PLPBP: variants seen among roughly 807,000 people sequenced by gnomAD.
PLPBP encodes the protein pyridoxal phosphate binding protein.
PLPBP carries 21 observed loss-of-function variants against 31.2 expected under a neutral mutation model. The observed-to-expected ratio is 0.67, with a 90% confidence interval of 0.48 to 0.97. The LOEUF (loss-of-function observed/expected upper bound fraction) is 0.97. Among genes scored for constraint, PLPBP ranks in the 50% least tolerant of loss-of-function variants. PLPBP has a pLI of 0.00. For synonymous variants in PLPBP, 124 were observed against 135.6 expected, an observed-to-expected ratio of 0.91 and a Z score of 0.59; for missense variants, 308 against 354.4, an observed-to-expected ratio of 0.87 and a Z score of 1.05.
intron 4 of PLPBP, among the ~76,000 whole-genome samples, chr8:37,768,769 G>A (rs374421331): frequency 2.0e-5 from 3 of 151,850 alleles, no homozygotes; most frequent in African/African-American, 4.8e-5. Flanking sequence ...CACCACGCCC[G>A]GCGGTTTTGA....
At chr8:37,771,287 C>G (rs997279356) in intron 4 of PLPBP, among the ~76,000 whole-genome samples, 1 of 152,064 alleles carries the variant, frequency 6.6e-6, no homozygotes, top group African/African-American at 2.4e-5. Context: ...CAGGCATGTG[C>G]CACCAGGCCT....
intron 4 of PLPBP, among the ~76,000 whole-genome samples, chr8:37,771,564 G>A (rs937182437): frequency 1.3e-5 from 2 of 152,142 alleles, no homozygotes; most frequent in South Asian, 2.1e-4. Context: ...GGGATTACAG[G>A]TGTGAGCCAC....
intron 4 of PLPBP, among the ~76,000 whole-genome samples, chr8:37,767,258 G>T (rs1213093186): frequency 6.6e-6 from 1 of 152,046 alleles, no homozygotes; most frequent in South Asian, 2.1e-4. Flanking sequence ...ATGTATGTTT[G>T]CACCTGTGAA....
chr8:37,767,046 C>CAAAAA (rs377103424), intron 4 of PLPBP, among the ~76,000 whole-genome samples: 6 of 57,140 alleles, frequency 1.1e-4, no homozygotes, highest in East Asian at 5.8e-4. Flanking sequence ...GACTTCATCC[C>CAAAAA]AAAAAAAAAA....
chr8:37,772,270 G>A (rs1158876445), intron 4 of PLPBP, among the ~76,000 whole-genome samples: 2 of 152,160 alleles, frequency 1.3e-5, no homozygotes, highest in Non-Finnish European at 2.9e-5. Flanking sequence ...GGTATTACAC[G>A]TGTGAGCCAC....
Position 37,775,972 on chromosome 8 carries a change from C to G in PLPBP, c.652C>G (p.Gln218Glu). Residue 218 changes from glutamine to glutamate, a missense_variant, in exon 7 of 8, where the codon CAG (glutamine) becomes GAG (glutamate). Gln to Glu is a conservative substitution (Grantham distance 29). Transcript: ENST00000328195. ...TAAAAAGCTGAACATCCCTGCTGAC[C>G]AGGTTGAGCTGAGCATGGGCATGTC... ...LCKKLNIPADQVELSMGMSAD... is the reference protein window; with the variant it reads ...LCKKLNIPADEVELSMGMSAD... The G allele has an allele frequency of 6.2e-7, 1 of 1,613,960 alleles. No individual in the cohort carries two copies. Among genetic ancestry groups the G allele is most frequent in the South Asian group, 1.1e-5 (1 of 91,064 alleles).
chr8:37,770,276 C>G (rs1803735466), intron 4 of PLPBP, among the ~76,000 whole-genome samples: 1 of 152,124 alleles, frequency 6.6e-6, no homozygotes, highest in Admixed American at 6.6e-5. Context: ...AGCATAAAAA[C>G]AGACACATAG....
At chr8:37,771,451 A>AT (rs1272927332) in intron 4 of PLPBP, among the ~76,000 whole-genome samples, 2 of 151,408 alleles carry the variant, frequency 1.3e-5, no homozygotes, top group East Asian at 2.0e-4. Context: ...TCTCTGGCTA[A>AT]TTTTTTTATT....
chr8:37,775,133 C>A (rs528156941), intron 5 of PLPBP: 7 of 467,730 alleles, frequency 1.5e-5, no homozygotes, highest in African/African-American at 9.9e-5. Context: ...ACTGATAGTT[C>A]TTTTCTTGAG....
At position 37,762,726 on chromosome 8, in the gene PLPBP, C is replaced by T. The variant is rs894590483; in HGVS notation, c.67C>T (p.Arg23Cys). ...VGCALRAVNE[R>C]VQQAVARRPR... The stretch of plus-strand genomic sequence containing the variant: ...GTGCGCATTGCGGGCGGTGAACGAG[C>T]GCGTGCAGCAGGCTGTGGCGCGGCG... The change falls in exon 1 of 8, where the codon CGC becomes TGC. Residue 23 changes from arginine to cysteine, a missense_variant. By Grantham distance (180) the Arg-to-Cys change is radical (BLOSUM62 -3). Transcript: ENST00000328195. 13 of 1,586,076 alleles carry T rather than the reference C, an allele frequency of 8.2e-6. No individual in the cohort carries two copies. The highest frequency in any genetic ancestry group is 1.3e-5 in the African/African-American group (1 of 74,602).
chr8:37,776,036 C>T lies in PLPBP; in HGVS notation c.696+20C>T, dbSNP rs771564031. On this transcript the variant is annotated intron_variant, in intron 7 of 7. Coordinates refer to ENST00000328195, the MANE Select transcript of PLPBP (RefSeq NM_007198.4). The stretch of plus-strand genomic sequence containing the variant: ...CATGCGGTGAGTGTCCTGCCAGTGC[C>T]CTGTCTGCCTCGAGGGGTGGGGGTA... 6.2e-6 allele frequency: 10 copies of T among 1,603,062 alleles called. No individual in the cohort carries two copies. Among genetic ancestry groups the T allele is most frequent in the Non-Finnish European group, 8.5e-7 (1 of 1,171,134 alleles).
chr8:37,773,010 G>T, intron 5 of PLPBP, 121 bp downstream of exon 5: 2 of 1,352,244 alleles, frequency 1.5e-6, no homozygotes, highest in Non-Finnish European at 2.0e-6. Flanking sequence ...AGGATCACAG[G>T]CCTCTAAGTT....
chr8:37,775,370 A>G lies in PLPBP; in HGVS notation c.486A>G (p.Ile162Met). 1 of 1,614,210 alleles carries G rather than the reference A, an allele frequency of 6.2e-7. No homozygotes were observed. Among genetic ancestry groups the G allele is most frequent in the Non-Finnish European group, 8.5e-7 (1 of 1,180,020 alleles). Residue 162 changes from isoleucine to methionine, a missense_variant, in exon 6 of 8, where the codon ATA (isoleucine) becomes ATG (methionine). Coordinates refer to ENST00000328195, the MANE Select transcript of PLPBP (RefSeq NM_007198.4). ...SKHGLPPSET[I>M]AIVEHINAKC... Reference sequence around the variant, plus strand: ...ATGGCCTTCCACCTTCAGAGACCATAGCCATCGTGGAGCACATAAACGCCA... The same window carrying G: ...ATGGCCTTCCACCTTCAGAGACCATGGCCATCGTGGAGCACATAAACGCCA...
At position 37,763,769 on chromosome 8, in the gene PLPBP, GT is replaced by G. The variant is rs1217254485; in HGVS notation, c.99+1013del. On this transcript the variant is annotated intron_variant, in intron 1 of 7. Transcript: ENST00000328195. Reference sequence around the variant, plus strand: ...CACGACTTGGACTCAAACGAGGCTGGTTACGCATCGCTGTGGAAGGAAGGAA... The same window carrying G: ...CACGACTTGGACTCAAACGAGGCTGGTACGCATCGCTGTGGAAGGAAGGAA... 2.0e-5 allele frequency among the ~76,000 whole-genome samples: 3 copies of G among 152,300 alleles called. No individual in the cohort carries two copies. The South Asian group carries it at 6.2e-4, about 32-fold the overall frequency.
In PLPBP at chr8:37,778,785, CA is replaced by C. The variant is rs1461519083; in HGVS notation, c.*682del. ...CCAGCCTCAGCAACAGCAGGAGCCC[CA>C]CCCCCCGTCTCTACAAAAAAATTTA... On this transcript the variant is annotated 3_prime_UTR_variant, in exon 8 of 8. Coordinates refer to ENST00000328195, the MANE Select transcript of PLPBP (RefSeq NM_007198.4). The C allele has an allele frequency of 3.9e-5, 6 of 152,178 alleles. No individual in the cohort carries two copies. Among genetic ancestry groups the C allele is most frequent in the African/African-American group, 1.4e-4 (6 of 41,516 alleles). 9.4% of individuals were successfully genotyped at this position (152,178 alleles called of 1,614,324 possible).
At chr8:37,765,855 T>G (rs959435519) in intron 3 of PLPBP, 109 bp downstream of exon 3, 3 of 1,175,706 alleles carry the variant, frequency 2.6e-6, no homozygotes, top group Non-Finnish European at 3.7e-6. Context: ...GGTGGTTGAC[T>G]TTAGATTGGG....
At chr8:37,772,540 C>T (rs1266304637) in intron 4 of PLPBP, among the ~76,000 whole-genome samples, 1 of 152,114 alleles carries the variant, frequency 6.6e-6, no homozygotes. Context: ...GTCAGCTTTT[C>T]CCTTATTTAC....
In PLPBP at chr8:37,769,332, CTAA is replaced by C. The variant is rs939869243; in HGVS notation, c.319+2992_319+2994del. Reference sequence around the variant, plus strand: ...GCCTGGATGACAGAGGAGACCCTATCTAATAATAATAATAATATTAATAATAAT... The same window carrying C: ...GCCTGGATGACAGAGGAGACCCTATCTAATAATAATAATATTAATAATAAT... On this transcript the variant is annotated intron_variant, in intron 4 of 7. Transcript: ENST00000328195. 6.0e-5 allele frequency among the ~76,000 whole-genome samples: 9 copies of C among 151,204 alleles called. No homozygotes were observed. In the East Asian group the frequency reaches 1.4e-3, roughly 23 times the overall value.
chr8:37,776,491 A>T (rs1198613433), intron 7 of PLPBP, among the ~76,000 whole-genome samples: 3 of 150,532 alleles, frequency 2.0e-5, no homozygotes, highest in African/African-American at 4.8e-5. Context: ...AAAAAAAAAA[A>T]AAAAAAAAAA....
Sources: allele counts gnomAD v4.1 joint callset (sites outside exome capture counted in the v4.1 genomes callset), GRCh38; gene constraint gnomAD v4.1.1; transcripts MANE v1.5; gene names NCBI Gene and HGNC (gene_info 2026-07-23, HGNC 2026-07-21).